RAB8B: variants seen among roughly 807,000 people sequenced by gnomAD.
The protein encoded by RAB8B is RAB8B, member RAS oncogene family.
RAB8B carries 11 observed loss-of-function variants against 32.0 expected under a neutral mutation model. That is an observed-to-expected ratio of 0.34 (90% CI 0.22 to 0.57). RAB8B has a LOEUF of 0.57. Among genes scored for constraint, RAB8B ranks in the 20% least tolerant of loss-of-function variants. The pLI, the probability that RAB8B is intolerant of heterozygous loss-of-function variation, is 0.86. For synonymous variants in RAB8B, 103 were observed against 89.6 expected, an observed-to-expected ratio of 1.15 and a Z score of -0.85; for missense variants, 190 against 258.5, an observed-to-expected ratio of 0.73 and a Z score of 1.82.
rs1232709587 is a variant in RAB8B, at chr15:63,253,043, C to CGGG, written c.247-2463_247-2461dup. ...GATTACAGGCGTGAGCCACCATGCC[C>CGGG]GGGCTGACCTTTATAAAATAAAATT... On this transcript the variant is annotated intron_variant, in intron 3 of 7. Transcript: ENST00000321437. Among the ~76,000 whole-genome samples, 3 of 152,164 alleles carry CGGG rather than the reference C, an allele frequency of 2.0e-5. No homozygotes were observed. In the East Asian group the frequency reaches 5.8e-4, roughly 29 times the overall value.
chr15:63,221,716 TGG>T (rs2037846365), intron 1 of RAB8B, among the ~76,000 whole-genome samples: 1 of 152,202 alleles, frequency 6.6e-6, no homozygotes, highest in Non-Finnish European at 1.5e-5. Context: ...AGAGCATGGT[TGG>T]GGGTCTGTAC....
chr15:63,259,653 C>T lies in RAB8B; in HGVS notation c.441C>T (p.Phe147=). 6.2e-7 allele frequency: 1 copy of T among 1,613,894 alleles called. No individual in the cohort carries two copies. The highest frequency in any genetic ancestry group is 8.5e-7 in the Non-Finnish European group (1 of 1,179,826). The change falls in exon 6 of 8, where the codon TTC becomes TTT. Residue 147 remains phenylalanine (F), a synonymous_variant. Transcript: ENST00000321437. The surrounding 1 kb of genome is among the most constrained non-coding windows in gnomAD (Gnocchi z 4.4). The part of the protein sequence containing the change: ...EKLAIDYGIK[F]LETSAKSSAN... ...TAGCAATTGACTATGGGATTAAATT[C>T]TTGGAGACAAGCGCAAAATCCAGTG...
Position 63,267,147 on chromosome 15 carries a change from T to C in RAB8B, c.*3528T>C, listed in dbSNP as rs2038255254. The C allele has an allele frequency of 6.6e-6, 1 of 152,566 alleles. No individual in the cohort carries two copies. Among genetic ancestry groups the C allele is most frequent in the Admixed American group, 6.5e-5 (1 of 15,280 alleles). 9.5% of individuals were successfully genotyped at this position (152,566 alleles called of 1,614,324 possible). On this transcript the variant is annotated 3_prime_UTR_variant, in exon 8 of 8. Transcript: ENST00000321437. ...AGACGGACAGGATATGCTAAAATAA[T>C]TTCAAATTCTAGCACAATTTTAGAG...
chr15:63,227,665 C>T (rs1463520613), intron 1 of RAB8B, among the ~76,000 whole-genome samples: 1 of 152,090 alleles, frequency 6.6e-6, no homozygotes. Context: ...CCCTCTGAAC[C>T]CCTGGATTTG....
At chr15:63,251,453 T>G in intron 3 of RAB8B, 2 of 377,214 alleles carry the variant, frequency 5.3e-6, no homozygotes, top group Non-Finnish European at 1.0e-5. Flanking sequence ...CACTGGAGGG[T>G]GGGCAGTGGC....
chr15:63,261,929 G>C (rs58829535), intron 6 of RAB8B, among the ~76,000 whole-genome samples: 3,341 of 152,276 alleles, frequency 0.022, 113 homozygotes, highest in African/African-American at 0.076. Flanking sequence ...TTATCACGAA[G>C]ATTAATCAGA....
At chr15:63,216,303 A>G (rs926608541) in intron 1 of RAB8B, among the ~76,000 whole-genome samples, 5 of 147,382 alleles carry the variant, frequency 3.4e-5, no homozygotes, top group Non-Finnish European at 7.4e-5. Flanking sequence ...ATCTTGGCTC[A>G]CTGCAACCTC....
At position 63,231,912 on chromosome 15, in the gene RAB8B, T is replaced by C. The variant is rs1227883986; in HGVS notation, c.125-12844T>C. 2.0e-5 allele frequency among the ~76,000 whole-genome samples: 3 copies of C among 152,374 alleles called. No individual in the cohort carries two copies. In the East Asian group the frequency reaches 5.8e-4, roughly 29 times the overall value. On this transcript the variant is annotated intron_variant, in intron 1 of 7. Coordinates refer to ENST00000321437, the MANE Select transcript of RAB8B (RefSeq NM_016530.3). ...ATTTTGACATCTTCGAGCTTATTGC[T>C]ACTTCTAGATTGAGTAACACTTGAA...
chr15:63,230,683 G>A (rs748449619), intron 1 of RAB8B, among the ~76,000 whole-genome samples: 3 of 152,010 alleles, frequency 2.0e-5, no homozygotes, highest in Non-Finnish European at 4.4e-5. Flanking sequence ...GAGAGAGTAT[G>A]ATTTTACTAC....
chr15:63,254,844 G>A (rs574122787), intron 3 of RAB8B, among the ~76,000 whole-genome samples: 111 of 152,202 alleles, frequency 7.3e-4, no homozygotes, highest in African/African-American at 2.6e-3. Flanking sequence ...CCCGGGAGGT[G>A]GAGCTTGCAG....
intron 1 of RAB8B, among the ~76,000 whole-genome samples, chr15:63,204,109 T>C (rs920396695): frequency 1.1e-4 from 16 of 152,036 alleles, no homozygotes; most frequent in Non-Finnish European, 4.4e-5. Context: ...CCAGGTAACA[T>C]AAGAAGCACC....
At chr15:63,234,461 A>T (rs2037961551) in intron 1 of RAB8B, among the ~76,000 whole-genome samples, 1 of 152,210 alleles carries the variant, frequency 6.6e-6, no homozygotes, top group South Asian at 2.1e-4. Context: ...TGGAATGAAA[A>T]GTGGCCCAGT....
At chr15:63,262,292 A>G (rs1397338801) in intron 6 of RAB8B, among the ~76,000 whole-genome samples, 3 of 152,120 alleles carry the variant, frequency 2.0e-5, no homozygotes, top group Non-Finnish European at 4.4e-5. Flanking sequence ...TTATTGTGAT[A>G]TTATATCACA....
intron 1 of RAB8B, among the ~76,000 whole-genome samples, chr15:63,194,219 A>G (rs2037582658): frequency 6.6e-6 from 1 of 152,232 alleles, no homozygotes; most frequent in Admixed American, 6.5e-5. Context: ...ATGAAGGTTT[A>G]ATTGACACCC....
intron 1 of RAB8B, among the ~76,000 whole-genome samples, chr15:63,227,131 C>G (rs2037895306): frequency 6.6e-6 from 1 of 152,194 alleles, no homozygotes. Flanking sequence ...TGCTGACGTC[C>G]TGTCTCATCC....
chr15:63,224,383 T>C (rs1487971936), intron 1 of RAB8B, among the ~76,000 whole-genome samples: 2 of 152,338 alleles, frequency 1.3e-5, no homozygotes, highest in East Asian at 3.9e-4. Flanking sequence ...CTTCCTAGTC[T>C]TACTGTAGAA....
chr15:63,230,724 C>T (rs1367138469), intron 1 of RAB8B, among the ~76,000 whole-genome samples: 1 of 151,998 alleles, frequency 6.6e-6, no homozygotes, highest in East Asian at 1.9e-4. Flanking sequence ...GAGACAGGGC[C>T]TTGCTCTGTT....
chr15:63,230,738 C>G (rs1164399133), intron 1 of RAB8B, among the ~76,000 whole-genome samples: 1 of 152,120 alleles, frequency 6.6e-6, no homozygotes. Flanking sequence ...CTCTGTTTCC[C>G]AGGTGGGAGT....
At chr15:63,240,987 A>G (rs2038027790) in intron 1 of RAB8B, among the ~76,000 whole-genome samples, 1 of 152,206 alleles carries the variant, frequency 6.6e-6, no homozygotes, top group African/African-American at 2.4e-5. Context: ...TACTTTAATA[A>G]GCCAGAATAA....
Sources: allele counts gnomAD v4.1 joint callset (sites outside exome capture counted in the v4.1 genomes callset), GRCh38; gene constraint gnomAD v4.1.1; non-coding constraint Gnocchi (gnomAD v3.1); transcripts MANE v1.5; gene names NCBI Gene and HGNC (gene_info 2026-07-23, HGNC 2026-07-21).